The following MAST2 variants were observed in gnomAD, a reference collection of about 807,000 sequenced individuals.
MAST2 encodes the protein microtubule associated serine/threonine kinase 2.
In MAST2, 70 loss-of-function variants were observed where a neutral mutation model predicts 147.4. The observed-to-expected ratio is 0.47, with a 90% confidence interval of 0.39 to 0.58. MAST2 has a LOEUF of 0.58. Ranked by LOEUF, MAST2 falls within the 20% of genes least tolerant of loss-of-function variation. MAST2 has a pLI of 0.00. For missense variants in MAST2, 2,080 were observed against 2,302.3 expected (o/e 0.90, Z 1.98); for synonymous variants, 869 against 896.8 (o/e 0.97, Z 0.55).
chr1:45,920,920 T>G (rs1653357800), intron 4 of MAST2, among the ~76,000 whole-genome samples: 1 of 152,058 alleles, frequency 6.6e-6, no homozygotes, highest in Non-Finnish European at 1.5e-5. Flanking sequence ...TACAGAGAAG[T>G]TAAGGAAGTT....
chr1:45,807,151 A>G (rs762282007), intron 1 of MAST2, among the ~76,000 whole-genome samples: 6 of 152,178 alleles, frequency 3.9e-5, no homozygotes, highest in Non-Finnish European at 7.4e-5. Context: ...TCTGTGAACT[A>G]TTTGTCACTG....
chr1:46,030,112 C>T lies in MAST2; in HGVS notation c.2444-17C>T. On this transcript the variant is annotated splice_polypyrimidine_tract_variant and intron_variant, in intron 20 of 28. Transcript: ENST00000361297. ...CAGCAGGGCTCTGAAGGAAAGTGTC[C>T]TTTATGTCTGGCCCAGCCCGCTCAG... The T allele has an allele frequency of 1.9e-6, 3 of 1,613,520 alleles. No individual in the cohort carries two copies. Among genetic ancestry groups the T allele is most frequent in the South Asian group, 1.1e-5 (1 of 91,036 alleles).
Position 45,975,402 on chromosome 1 carries a change from T to C in MAST2, c.592+15925T>C, listed in dbSNP as rs186307812. Among the ~76,000 whole-genome samples the C allele has an allele frequency of 4.0e-4, 58 of 146,058 alleles. 1 individual carries two copies. The East Asian group carries it at 6.6e-3, about 17-fold the overall frequency. The stretch of plus-strand genomic sequence containing the variant: ...GCCTGGATACGATGGCTCACTCCTG[T>C]AATTCCAACACTTTGGGAGGCCAAG... On this transcript the variant is annotated intron_variant, in intron 5 of 28. Coordinates refer to ENST00000361297, the MANE Select transcript of MAST2 (RefSeq NM_015112.3).
intron 4 of MAST2, among the ~76,000 whole-genome samples, chr1:45,933,787 C>T (rs988518342): frequency 2.6e-5 from 4 of 152,008 alleles, no homozygotes; most frequent in African/African-American, 9.7e-5. Flanking sequence ...ACTCTGACCC[C>T]CCATTACCCT....
chr1:45,852,273 G>A (rs1396315647), intron 3 of MAST2, among the ~76,000 whole-genome samples: 2 of 152,200 alleles, frequency 1.3e-5, no homozygotes, highest in African/African-American at 4.8e-5. Context: ...AAAGGAATTC[G>A]CTTGGGCTGC....
chr1:45,839,985 G>A (rs1445701678), intron 3 of MAST2, among the ~76,000 whole-genome samples: 1 of 152,148 alleles, frequency 6.6e-6, no homozygotes, highest in Non-Finnish European at 1.5e-5. Context: ...GTGGGTAATT[G>A]AACAAATGTA....
intron 4 of MAST2, among the ~76,000 whole-genome samples, chr1:45,943,109 TA>T (rs1198565454): frequency 6.6e-6 from 1 of 152,136 alleles, no homozygotes; most frequent in African/African-American, 2.4e-5. Flanking sequence ...TAAGGGTATT[TA>T]AGTTGAAACA....
intron 3 of MAST2, among the ~76,000 whole-genome samples, chr1:45,849,423 G>A (rs764478556): frequency 2.6e-5 from 4 of 152,064 alleles, no homozygotes; most frequent in Non-Finnish European, 5.9e-5. Context: ...AAATAAAGCT[G>A]CACACCTATG....
chr1:45,937,751 C>CAAAAAAAAA lies in MAST2; in HGVS notation c.501-21612_501-21604dup, dbSNP rs34830747. On this transcript the variant is annotated intron_variant, in intron 4 of 28. Transcript: ENST00000361297. ...TGGGAGACAGAGTGAAACTCCATCT[C>CAAAAAAAAA]AAAAAAAAAAAAAAAAAAAAAAAAA... is the stretch of plus-strand genomic sequence containing the variant. Among the ~76,000 whole-genome samples, 52 of 73,216 alleles carry CAAAAAAAAA rather than the reference C, an allele frequency of 7.1e-4. 1 individual carries two copies. The highest frequency in any genetic ancestry group is 2.4e-3 in the African/African-American group (44 of 18,402). 48.0% of individuals were successfully genotyped at this position (73,216 alleles called of 152,430 possible).
chr1:45,823,559 C>A (rs1229295091), intron 1 of MAST2, among the ~76,000 whole-genome samples: 4 of 152,116 alleles, frequency 2.6e-5, no homozygotes, highest in African/African-American at 9.7e-5. Context: ...TGGTCTTGAA[C>A]TCCCGACCTC....
At position 45,933,063 on chromosome 1, in the gene MAST2, T is replaced by TAAAAAA. The variant is rs61544126; in HGVS notation, c.501-26303_501-26298dup. Among the ~76,000 whole-genome samples, 202 of 88,254 alleles carry TAAAAAA rather than the reference T, an allele frequency of 2.3e-3. 2 individuals are homozygous for TAAAAAA. Among genetic ancestry groups the TAAAAAA allele is most frequent in the African/African-American group, 8.8e-3 (194 of 21,952 alleles). 57.9% of individuals were successfully genotyped at this position (88,254 alleles called of 152,430 possible). On this transcript the variant is annotated intron_variant, in intron 4 of 28. Transcript: ENST00000361297. ...GCAACTTAGTGAGACCCCATTTCTTTAAAAAAAAAAAAAAAAAAAAAAAAA... is the reference window on the plus strand; with the variant it reads ...GCAACTTAGTGAGACCCCATTTCTTTAAAAAAAAAAAAAAAAAAAAAAAAAAAAAAA...
chr1:45,805,138 C>T (rs1644103735), intron 1 of MAST2, among the ~76,000 whole-genome samples: 1 of 151,872 alleles, frequency 6.6e-6, no homozygotes, highest in Non-Finnish European at 1.5e-5. Context: ...CAACCTCCAC[C>T]TCCTGGGTTC....
At chr1:45,852,568 G>C (rs979407674) in intron 3 of MAST2, among the ~76,000 whole-genome samples, 1 of 146,978 alleles carries the variant, frequency 6.8e-6, no homozygotes, top group Admixed American at 6.9e-5. Context: ...ATGGAGTCTT[G>C]CTATGTTGCC....
intron 4 of MAST2, among the ~76,000 whole-genome samples, chr1:45,913,099 G>A (rs1651927090): frequency 6.6e-6 from 1 of 152,178 alleles, no homozygotes; most frequent in Non-Finnish European, 1.5e-5. Context: ...CTTACCACAA[G>A]AATGATTAGA....
intron 3 of MAST2, among the ~76,000 whole-genome samples, chr1:45,876,090 T>A (rs1010752580): frequency 3.9e-5 from 6 of 152,156 alleles, no homozygotes; most frequent in African/African-American, 1.4e-4. Flanking sequence ...AATGATACTA[T>A]CAGGTGCTGT....
At chr1:45,996,920 G>T (rs1452075170) in intron 5 of MAST2, among the ~76,000 whole-genome samples, 1 of 152,136 alleles carries the variant, frequency 6.6e-6, no homozygotes, top group Non-Finnish European at 1.5e-5. Context: ...GGGGTTAGAG[G>T]GGAGCCAGCA....
intron 5 of MAST2, among the ~76,000 whole-genome samples, chr1:45,962,694 G>A (rs1457198688): frequency 6.6e-6 from 1 of 151,984 alleles, no homozygotes; most frequent in African/African-American, 2.4e-5. Context: ...TGAGTAGATT[G>A]CAAAAATTTT....
chr1:46,025,717 G>A lies in MAST2; in HGVS notation c.1821G>A (p.Leu607=). The A allele has an allele frequency of 6.2e-7, 1 of 1,614,220 alleles. No individual in the cohort carries two copies. The highest frequency in any genetic ancestry group is 8.5e-7 in the Non-Finnish European group (1 of 1,180,042). ...CATLLKNIGA[L]PVDMVRLYFA... is the part of the protein sequence containing the mutation. ...CTCTGCTGAAGAATATTGGGGCCCT[G>A]CCTGTGGACATGGTGCGTCTATACT... The change falls in exon 16 of 29, where the codon CTG becomes CTA. Residue 607 remains leucine, a synonymous_variant. Transcript: ENST00000361297.
At chr1:46,018,153 T>C (rs1646036366) in intron 10 of MAST2, among the ~76,000 whole-genome samples, 1 of 152,182 alleles carries the variant, frequency 6.6e-6, no homozygotes, top group Non-Finnish European at 1.5e-5. Flanking sequence ...CTTCACAAGT[T>C]CCTTTGCTGC....
Sources: gnomAD v4.1 joint callset for allele counts (sites outside exome capture counted in the v4.1 genomes callset) on GRCh38, gnomAD v4.1.1 for gene constraint, MANE v1.5 for transcripts, NCBI Gene and HGNC (gene_info 2026-07-23, HGNC 2026-07-21) for gene names.